KIF24: variants seen among roughly 807,000 people sequenced by gnomAD.
KIF24 encodes kinesin-like protein KIF24.
A neutral mutation model predicts 118.9 loss-of-function variants in KIF24; 81 were observed. That is an observed-to-expected ratio of 0.68 (90% CI 0.57 to 0.82). The LOEUF (loss-of-function observed/expected upper bound fraction) is 0.82. KIF24 is among the 40% of genes least tolerant of loss of function. The probability of loss-of-function intolerance (pLI) is 0.00; values close to 1 mark genes in which losing one functional copy is unlikely to be tolerated. For synonymous variants in KIF24, 599 were observed against 610.0 expected (o/e 0.98, Z 0.27); for missense variants, 1,560 against 1,661.6 (o/e 0.94, Z 1.06).
chr9:34,286,624 A>G lies in KIF24; in HGVS notation c.1208T>C (p.Leu403Pro). The part of the protein sequence containing the change: ...QELQVDSVEL[L>P]LEVILKGSKE... ...GAAGGAAGAATTAATTACCTCTAAG[A>G]GGAGCTCCACACTGTCCACCTGAAG... The change falls in exon 6 of 13, where the codon CTC becomes CCC. Residue 403 changes from leucine to proline, a missense_variant. By Grantham distance (98) the Leu-to-Pro change is moderately conservative. Coordinates refer to ENST00000402558, the MANE Select transcript of KIF24 (RefSeq NM_194313.4). The G allele has an allele frequency of 6.2e-7, 1 of 1,607,466 alleles. No homozygotes were observed.
chr9:34,268,505 C>CTTTTTTTTTTTTTTTTTT (rs1563939819), intron 8 of KIF24, among the ~76,000 whole-genome samples: 1 of 76,716 alleles, frequency 1.3e-5, no homozygotes. Flanking sequence ...CTAGGATTTT[C>CTTTTTTTTTTTTTTTTTT]TTTCTTTTTT....
intron 10 of KIF24, among the ~76,000 whole-genome samples, chr9:34,258,841 C>T (rs1834951434): frequency 6.6e-6 from 1 of 152,210 alleles, no homozygotes; most frequent in South Asian, 2.1e-4. Context: ...TGTCTATTCC[C>T]AGGGTTTCTC....
intron 3 of KIF24, among the ~76,000 whole-genome samples, chr9:34,305,897 C>T (rs1836896316): frequency 1.3e-5 from 2 of 152,222 alleles, no homozygotes; most frequent in Admixed American, 6.5e-5. Context: ...TGAGCCACCA[C>T]ACCTGGCCCC....
At chr9:34,268,973 A>G (rs1422655205) in intron 8 of KIF24, among the ~76,000 whole-genome samples, 1 of 152,214 alleles carries the variant, frequency 6.6e-6, no homozygotes, top group African/African-American at 2.4e-5. Flanking sequence ...GGGGAAAGAG[A>G]GAAAGCTTAG....
At chr9:34,269,897 T>C (rs1835437735) in intron 7 of KIF24, among the ~76,000 whole-genome samples, 1 of 151,558 alleles carries the variant, frequency 6.6e-6, no homozygotes, top group Non-Finnish European at 1.5e-5. Flanking sequence ...TAGGCCAGCC[T>C]AAGCAACACA....
chr9:34,316,055 A>G (rs902631731), intron 1 of KIF24, among the ~76,000 whole-genome samples: 3 of 151,770 alleles, frequency 2.0e-5, no homozygotes, highest in African/African-American at 7.3e-5. Flanking sequence ...ATTTTTTTAG[A>G]AATGTTCCAT....
intron 3 of KIF24, among the ~76,000 whole-genome samples, chr9:34,301,644 G>A (rs1836709714): frequency 6.6e-6 from 1 of 151,952 alleles, no homozygotes; most frequent in Non-Finnish European, 1.5e-5. Flanking sequence ...GAGACCAGCC[G>A]AGGCAACATG....
chr9:34,305,058 C>G (rs1033154046), intron 3 of KIF24, among the ~76,000 whole-genome samples: 1 of 152,156 alleles, frequency 6.6e-6, no homozygotes, highest in Non-Finnish European at 1.5e-5. Flanking sequence ...AGATTACTCA[C>G]AATTTTTCAC....
intron 6 of KIF24, among the ~76,000 whole-genome samples, chr9:34,286,100 G>A (rs1333329789): frequency 6.6e-6 from 1 of 151,836 alleles, no homozygotes; most frequent in East Asian, 1.9e-4. Flanking sequence ...TTGGGAGGTC[G>A]AGGCGGGTGG....
Position 34,311,336 on chromosome 9 carries a change from CA to C in KIF24, c.10del (p.Trp4GlyfsTer26). The C allele has an allele frequency of 6.4e-7, 1 of 1,564,068 alleles. No homozygotes were observed. Among genetic ancestry groups the C allele is most frequent in the Non-Finnish European group, 8.7e-7 (1 of 1,155,670 alleles). ...AGCTTCACAAAGACATTCATATAACCAGGATGCCATTTTGGTGAATAGGTTT... is the reference window on the plus strand; with the variant it reads ...AGCTTCACAAAGACATTCATATAACCGGATGCCATTTTGGTGAATAGGTTT... MAS[W>X]LYECLCEAEL... On this transcript the variant is annotated frameshift_variant, in exon 2 of 13. Transcript: ENST00000402558. LOFTEE classifies it high-confidence loss of function.
rs1204596825 is a variant in KIF24 at position 34,271,939 on chromosome 9, A to G, written c.1216-9T>C. ...CTGCCCTTTAAGATCACCTGAAAAT[A>G]AAATCCACAGGATGACTTCCCCAAG... On this transcript the variant is annotated splice_polypyrimidine_tract_variant and intron_variant, in intron 6 of 12. Coordinates refer to ENST00000402558, the MANE Select transcript of KIF24 (RefSeq NM_194313.4). The G allele has an allele frequency of 6.3e-7, 1 of 1,579,624 alleles. No individual in the cohort carries two copies. Among genetic ancestry groups the G allele is most frequent in the Non-Finnish European group, 8.6e-7 (1 of 1,162,086 alleles).
intron 9 of KIF24, among the ~76,000 whole-genome samples, chr9:34,262,676 A>ATG (rs1835126833): frequency 2.3e-4 from 3 of 13,246 alleles, no homozygotes; most frequent in African/African-American, 8.4e-4. Context: ...AAAAAAAAAA[A>ATG]TATATATATA....
chr9:34,271,215 T>C (rs766182193), intron 7 of KIF24, among the ~76,000 whole-genome samples: 10 of 150,862 alleles, frequency 6.6e-5, no homozygotes, highest in Non-Finnish European at 1.5e-4. Context: ...TGAGAAAGTA[T>C]GACTAAAATT....
At chr9:34,325,910 T>C (rs1474818655) in intron 1 of KIF24, among the ~76,000 whole-genome samples, 1 of 152,186 alleles carries the variant, frequency 6.6e-6, no homozygotes, top group Non-Finnish European at 1.5e-5. Context: ...GACACCAAAA[T>C]TATGCAAGTT....
intron 3 of KIF24, among the ~76,000 whole-genome samples, chr9:34,300,573 T>A (rs1303326327): frequency 1.3e-5 from 2 of 152,118 alleles, no homozygotes; most frequent in Non-Finnish European, 2.9e-5. Flanking sequence ...TTTCACCATG[T>A]TGGCCAGGCT....
At chr9:34,319,239 A>T in intron 1 of KIF24, 1 of 1,462,426 alleles carries the variant, frequency 6.8e-7, no homozygotes, top group South Asian at 1.1e-5. Flanking sequence ...GAGCCCCTCG[A>T]GGCCTTAAAA....
At chr9:34,270,387 G>T (rs1368635849) in intron 7 of KIF24, among the ~76,000 whole-genome samples, 2 of 148,746 alleles carry the variant, frequency 1.3e-5, no homozygotes, top group South Asian at 4.3e-4. Context: ...GTGGTGGCGG[G>T]TGCCTGTAGT....
intron 1 of KIF24, among the ~76,000 whole-genome samples, chr9:34,313,738 G>GTTTTTTTTTTTTTTTTT (rs5897567): frequency 3.8e-5 from 5 of 130,358 alleles, no homozygotes; most frequent in African/African-American, 2.7e-5. Flanking sequence ...CCCGTTATCT[G>GTTTTTTTTTTTTTTTTT]TTTTTTTTTT....
intron 5 of KIF24, among the ~76,000 whole-genome samples, chr9:34,288,706 A>G (rs1168053112): frequency 6.6e-6 from 1 of 152,084 alleles, no homozygotes; most frequent in Non-Finnish European, 1.5e-5. Context: ...AGAAGCATCA[A>G]ACCCAAGAGT....
Sources: gnomAD v4.1 joint callset for allele counts (sites outside exome capture counted in the v4.1 genomes callset) on GRCh38, gnomAD v4.1.1 for gene constraint, MANE v1.5 for transcripts, NCBI Gene and HGNC (gene_info 2026-07-23, HGNC 2026-07-21) for gene names.